ART3: variants seen among roughly 807,000 people sequenced by gnomAD.
ART3 encodes the protein ADP-ribosyltransferase 3 (inactive), also known as ecto-ADP-ribosyltransferase 3.
Under a neutral mutation model 48.5 loss-of-function variants are expected in ART3, and 49 were observed. The observed-to-expected ratio is 1.01, with a 90% confidence interval of 0.80 to 1.28. The LOEUF is 1.28. ART3 is among the 50% of genes most tolerant of loss of function. The pLI is 0.00. For missense variants in ART3, 438 were observed against 454.3 expected (o/e 0.96, Z 0.33); for synonymous variants, 145 against 157.2 (o/e 0.92, Z 0.58).
In ART3 at chr4:76,082,241, A is replaced by G. The variant is rs1722648021; in HGVS notation, c.487A>G (p.Arg163Gly). Reference sequence around the variant, plus strand: ...GGCCAGTTCCAAAACTGTGGTATATAGAACAAGCCAGGGCACTTCATTTAC... The same window carrying G: ...GGCCAGTTCCAAAACTGTGGTATATGGAACAAGCCAGGGCACTTCATTTAC... Reference protein sequence around the residue: ...CEASSKTVVYRTSQGTSFTFG... With the variant: ...CEASSKTVVYGTSQGTSFTFG... Residue 163 changes from arginine to glycine, a missense_variant, in exon 3 of 12, where the codon AGA becomes GGA. Physicochemically the swap from Arg to Gly is moderately radical, Grantham distance 125 (BLOSUM62 -2). Transcript: ENST00000355810. 3.7e-6 allele frequency: 6 copies of G among 1,614,210 alleles called. No individual in the cohort carries two copies. Among genetic ancestry groups the G allele is most frequent in the South Asian group, 1.1e-5 (1 of 91,084 alleles).
intron 11 of ART3, 128 bp downstream of exon 11, chr4:76,107,921 A>G (rs900816346): frequency 1.4e-5 from 9 of 665,644 alleles, no homozygotes; most frequent in African/African-American, 7.6e-5. Flanking sequence ...ATAACAGAGT[A>G]TAATGTCATA....
At chr4:76,067,055 C>T (rs1435765944) in intron 1 of ART3, among the ~76,000 whole-genome samples, 1 of 152,242 alleles carries the variant, frequency 6.6e-6, no homozygotes, top group African/African-American at 2.4e-5. Flanking sequence ...CTGGCCACAC[C>T]TTCCTGCCAC....
In ART3 at chr4:76,082,456, A is replaced by G; in HGVS notation, c.702A>G (p.Ser234=). ...LIPLNEVFQV[S]QEGAGNNLIL... ...CTCTGAATGAGGTTTTTCAAGTGTC[A>G]CAGGAGGGGGCTGGCAATAACCTTA... Residue 234 remains serine, a synonymous_variant, in exon 3 of 12, where the codon TCA becomes TCG. Coordinates refer to ENST00000355810, the MANE Select transcript of ART3 (RefSeq NM_001130016.3). 1 of 1,613,482 alleles carries G rather than the reference A, an allele frequency of 6.2e-7. No homozygotes were observed. The highest frequency in any genetic ancestry group is 1.1e-5 in the South Asian group (1 of 91,004).
At chr4:76,069,386 CTTT>C (rs34858048) in intron 1 of ART3, among the ~76,000 whole-genome samples, 5 of 110,114 alleles carry the variant, frequency 4.5e-5, no homozygotes, top group Non-Finnish European at 1.8e-5. Context: ...TACTTAATTC[CTTT>C]TTTTTTTTTT....
At chr4:76,028,530 CG>C (rs1733613022) in intron 1 of ART3, among the ~76,000 whole-genome samples, 1 of 152,168 alleles carries the variant, frequency 6.6e-6, no homozygotes, top group Admixed American at 6.5e-5. Flanking sequence ...AATGCTTTCC[CG>C]GAAACTGTTA....
intron 3 of ART3, among the ~76,000 whole-genome samples, chr4:76,090,268 G>A (rs190869161): frequency 2.6e-5 from 4 of 152,244 alleles, no homozygotes; most frequent in African/African-American, 7.2e-5. Flanking sequence ...TCGAGAGTTC[G>A]TCCAGCCTTA....
At chr4:76,090,689 TC>T (rs1430017930) in intron 3 of ART3, among the ~76,000 whole-genome samples, 3 of 152,152 alleles carry the variant, frequency 2.0e-5, no homozygotes, top group Non-Finnish European at 4.4e-5. Context: ...CAAAACCTAG[TC>T]CTGTCCTGTT....
intron 1 of ART3, among the ~76,000 whole-genome samples, chr4:76,057,491 G>A (rs952769161): frequency 6.6e-6 from 1 of 152,186 alleles, no homozygotes; most frequent in Non-Finnish European, 1.5e-5. Flanking sequence ...ACTATCTTCT[G>A]TAAATCTAAT....
intron 1 of ART3, among the ~76,000 whole-genome samples, chr4:76,047,034 G>A (rs1332444290): frequency 3.3e-5 from 5 of 151,948 alleles, no homozygotes; most frequent in African/African-American, 7.2e-5. Context: ...TCCTGTTGTC[G>A]CATCATCTGG....
chr4:76,016,580 C>A (rs1455275353), intron 1 of ART3, among the ~76,000 whole-genome samples: 1 of 152,130 alleles, frequency 6.6e-6, no homozygotes, highest in Non-Finnish European at 1.5e-5. Flanking sequence ...ACCTGGCTAC[C>A]ATCTGTGTTT....
upstream of ART3, among the ~76,000 whole-genome samples, chr4:76,074,121 C>G (rs769372548): frequency 6.6e-6 from 1 of 152,166 alleles, no homozygotes; most frequent in Non-Finnish European, 1.5e-5. Flanking sequence ...GTATGCGTTA[C>G]TCAAATGACA....
intron 1 of ART3, chr4:76,022,540 T>C: frequency 6.7e-7 from 1 of 1,496,526 alleles, no homozygotes; most frequent in Non-Finnish European, 9.2e-7. Flanking sequence ...AAGTCAGACA[T>C]TTAAGTTTCA....
intron 3 of ART3, among the ~76,000 whole-genome samples, chr4:76,092,654 C>T (rs1725161780): frequency 6.6e-6 from 1 of 151,804 alleles, no homozygotes. Context: ...GTTCATTGAA[C>T]TTATGGATTT....
intron 3 of ART3, among the ~76,000 whole-genome samples, chr4:76,093,893 C>T (rs1374245767): frequency 6.6e-6 from 1 of 152,184 alleles, no homozygotes; most frequent in Non-Finnish European, 1.5e-5. Context: ...GTATCCCCCC[C>T]AAAATTCATA....
intron 1 of ART3, among the ~76,000 whole-genome samples, chr4:76,016,144 G>A (rs1732237451): frequency 6.6e-6 from 1 of 152,102 alleles, no homozygotes; most frequent in South Asian, 2.1e-4. Context: ...GGTTAAACAT[G>A]TTTTTTCTTC....
rs575812287 is a variant in ART3 at position 76,099,901 on chromosome 4, C to G, written c.848-390C>G. Among the ~76,000 whole-genome samples the G allele has an allele frequency of 2.6e-5, 4 of 152,320 alleles. No homozygotes were observed. The East Asian group carries it at 7.7e-4, about 29-fold the overall frequency. On this transcript the variant is annotated intron_variant, in intron 5 of 11. Coordinates refer to ENST00000355810, the MANE Select transcript of ART3 (RefSeq NM_001130016.3). ...CATGTTTGGGAAAATACTTCCTGTCCTGATAGAAGTGAAGCACTTTATGCC... is the reference window on the plus strand; with the variant it reads ...CATGTTTGGGAAAATACTTCCTGTCGTGATAGAAGTGAAGCACTTTATGCC...
Position 76,065,829 on chromosome 4 carries a change from G to A in ART3, c.-9-10052G>A, listed in dbSNP as rs184086582. ...ATATTGAATGGTGTAGGGATAATAC[G>A]CATTATTTTGAAAATACTAAATAGA... On this transcript the variant is annotated intron_variant, in intron 1 of 9. Transcript: ENST00000341029. 9.9e-4 allele frequency among the ~76,000 whole-genome samples: 150 copies of A among 151,784 alleles called. 3 individuals carry two copies. The highest frequency in any genetic ancestry group is 3.3e-3 in the African/African-American group (135 of 41,434).
chr4:76,100,649 TTC>T, intron 6 of ART3, 144 bp from the exon 7 acceptor site: 5 of 814,374 alleles, frequency 6.1e-6, no homozygotes, highest in Non-Finnish European at 9.4e-6. Flanking sequence ...AAAAAAAAAA[TTC>T]TGGGGGCTTG....
chr4:76,106,878 C>T (rs944444318), intron 10 of ART3, among the ~76,000 whole-genome samples: 2 of 152,094 alleles, frequency 1.3e-5, no homozygotes, highest in African/African-American at 4.8e-5. Context: ...TGGTGTTTGT[C>T]CAAGATGACG....
Sources: gnomAD v4.1 joint callset for allele counts (sites outside exome capture counted in the v4.1 genomes callset) on GRCh38, gnomAD v4.1.1 for gene constraint, MANE v1.5 for transcripts, NCBI Gene and HGNC (gene_info 2026-07-23, HGNC 2026-07-21) for gene names.